SLC35F4: variants seen among roughly 807,000 people sequenced by gnomAD.
SLC35F4 encodes the protein chromosome 14 open reading frame 36.
SLC35F4 carries 24 observed loss-of-function variants against 44.2 expected under a neutral mutation model. The observed-to-expected ratio is 0.54, with a 90% CI of 0.39 to 0.76. The LOEUF (loss-of-function observed/expected upper bound fraction) is 0.76, where lower values mean the gene tolerates loss of function less well. Among genes scored for constraint, SLC35F4 ranks in the 30% least tolerant of loss-of-function variants. SLC35F4 has a pLI of 0.00. For synonymous variants in SLC35F4, 238 were observed against 223.6 expected (o/e 1.06, Z -0.57); for missense variants, 562 against 586.1 (o/e 0.96, Z 0.42).
chr14:57,665,329 G>A (rs1180962961), intron 1 of SLC35F4, among the ~76,000 whole-genome samples: 1 of 152,080 alleles, frequency 6.6e-6, no homozygotes, highest in Admixed American at 6.6e-5. Context: ...AATAATAATA[G>A]CTATTACTTA....
intron 1 of SLC35F4, among the ~76,000 whole-genome samples, chr14:57,796,001 T>C (rs1480512386): frequency 6.6e-6 from 1 of 152,162 alleles, no homozygotes; most frequent in Admixed American, 6.5e-5. Flanking sequence ...CTTGTGTCCA[T>C]ATGTACTCAA....
At chr14:57,804,398 G>A (rs1319544239) in intron 1 of SLC35F4, among the ~76,000 whole-genome samples, 1 of 152,100 alleles carries the variant, frequency 6.6e-6, no homozygotes. Flanking sequence ...AACCAAAAAA[G>A]CAAGGTACTG....
At chr14:57,923,602 C>T (rs1346780962) in intron 1 of SLC35F4, among the ~76,000 whole-genome samples, 1 of 152,206 alleles carries the variant, frequency 6.6e-6, no homozygotes, top group Non-Finnish European at 1.5e-5. Context: ...ACACTACTTT[C>T]CCATTTCACA....
At chr14:57,954,410 A>G (rs1022570298) in intron 1 of SLC35F4, among the ~76,000 whole-genome samples, 1 of 152,202 alleles carries the variant, frequency 6.6e-6, no homozygotes, top group African/African-American at 2.4e-5. Flanking sequence ...AGAAGACAAG[A>G]AATAACTAAA....
chr14:57,795,050 T>A (rs1566860823), intron 1 of SLC35F4, among the ~76,000 whole-genome samples: 1 of 152,160 alleles, frequency 6.6e-6, no homozygotes, highest in Non-Finnish European at 1.5e-5. Context: ...ATGTTAGAGA[T>A]AAAATTAGCT....
chr14:57,565,580 T>G (rs1026351095), intron 7 of SLC35F4, among the ~76,000 whole-genome samples: 2 of 152,198 alleles, frequency 1.3e-5, no homozygotes, highest in Admixed American at 1.3e-4. Context: ...AGAAATTCTT[T>G]GTTGGATGAA....
At chr14:57,819,573 A>C (rs1882946826) in intron 1 of SLC35F4, among the ~76,000 whole-genome samples, 1 of 151,940 alleles carries the variant, frequency 6.6e-6, no homozygotes, top group Non-Finnish European at 1.5e-5. Context: ...TGGGGGACCT[A>C]GGCAGGCAGA....
At chr14:57,736,179 C>T (rs2076459444) in intron 1 of SLC35F4, among the ~76,000 whole-genome samples, 1 of 152,134 alleles carries the variant, frequency 6.6e-6, no homozygotes, top group African/African-American at 2.4e-5. Flanking sequence ...GTCTAAAGCC[C>T]ACATGAAGCA....
Position 57,842,569 on chromosome 14 carries a change from A to T in SLC35F4, c.103+23154T>A, listed in dbSNP as rs74746608. On this transcript the variant is annotated intron_variant, in intron 1 of 7. Coordinates refer to ENST00000556826, the MANE Select transcript of SLC35F4 (RefSeq NM_001306087.2). ...CCTCTGAAAGATCATAGCAAACTGC[A>T]GACATCCACTGCTTAACACAGATGC... Among the ~76,000 whole-genome samples, 28 of 152,260 alleles carry T rather than the reference A, an allele frequency of 1.8e-4. 1 individual carries two copies. In the East Asian group the frequency reaches 5.4e-3, roughly 29 times the overall value.
intron 1 of SLC35F4, among the ~76,000 whole-genome samples, chr14:57,831,183 C>G (rs1465173622): frequency 6.6e-6 from 1 of 152,130 alleles, no homozygotes; most frequent in Admixed American, 6.6e-5. Flanking sequence ...TGACTTCTTA[C>G]AGATGCCAAG....
intron 1 of SLC35F4, among the ~76,000 whole-genome samples, chr14:57,657,079 A>T (rs2073993319): frequency 6.6e-6 from 1 of 152,210 alleles, no homozygotes; most frequent in South Asian, 2.1e-4. Context: ...GAGTCAGAAA[A>T]CACAAGTTCA....
intron 1 of SLC35F4, among the ~76,000 whole-genome samples, chr14:57,683,900 G>A (rs974086846): frequency 6.6e-6 from 1 of 152,076 alleles, no homozygotes; most frequent in Non-Finnish European, 1.5e-5. Flanking sequence ...AGGGCAGAAT[G>A]TTCCTACATA....
chr14:57,874,998 AAAT>A (rs1366251382), intron 1 of SLC35F4, among the ~76,000 whole-genome samples: 2 of 149,216 alleles, frequency 1.3e-5, no homozygotes, highest in Non-Finnish European at 3.0e-5. Context: ...ATAAATAAAT[AAAT>A]GATTTCATGG....
chr14:57,852,847 C>A (rs1211088081), intron 1 of SLC35F4, among the ~76,000 whole-genome samples: 2 of 152,146 alleles, frequency 1.3e-5, no homozygotes, highest in Non-Finnish European at 2.9e-5. Context: ...GCAGGAAAAA[C>A]CTGAAGGCTC....
chr14:57,756,192 T>A (rs2076990828), intron 1 of SLC35F4, among the ~76,000 whole-genome samples: 1 of 152,274 alleles, frequency 6.6e-6, no homozygotes, highest in African/African-American at 2.4e-5. Context: ...GCTTTTTTAA[T>A]ATAAGCCTTT....
At chr14:57,859,691 A>G (rs1455215269) in intron 1 of SLC35F4, among the ~76,000 whole-genome samples, 2 of 152,134 alleles carry the variant, frequency 1.3e-5, no homozygotes, top group African/African-American at 2.4e-5. Context: ...GATTGGAAGG[A>G]CTTGAGGCTG....
chr14:57,799,690 G>T (rs1166479227), intron 1 of SLC35F4, among the ~76,000 whole-genome samples: 1 of 152,172 alleles, frequency 6.6e-6, no homozygotes, highest in Non-Finnish European at 1.5e-5. Flanking sequence ...GAATACAAAT[G>T]GTCAAAACGA....
intron 1 of SLC35F4, among the ~76,000 whole-genome samples, chr14:57,628,713 G>A (rs2072606066): frequency 6.6e-6 from 1 of 152,092 alleles, no homozygotes; most frequent in South Asian, 2.1e-4. Context: ...TGAAATGTTA[G>A]CAAAGTCAAA....
At chr14:57,737,984 G>T (rs1180828729) in intron 1 of SLC35F4, among the ~76,000 whole-genome samples, 6 of 152,204 alleles carry the variant, frequency 3.9e-5, no homozygotes, top group African/African-American at 1.4e-4. Context: ...TTAGGGCCAA[G>T]ATTTAAACAT....
Sources: gnomAD v4.1 joint callset for allele counts (sites outside exome capture counted in the v4.1 genomes callset) on GRCh38, gnomAD v4.1.1 for gene constraint, MANE v1.5 for transcripts, NCBI Gene and HGNC (gene_info 2026-07-23, HGNC 2026-07-21) for gene names.